Variants in OSBPL9 observed in about 807,000 individuals in gnomAD.
The protein encoded by OSBPL9 is oxysterol-binding protein-related protein 9.
In OSBPL9, 40 loss-of-function variants were observed where a neutral mutation model predicts 106.6. The observed-to-expected ratio is 0.38, with a 90% confidence interval of 0.29 to 0.49. OSBPL9 has a LOEUF of 0.49. Among genes scored for constraint, OSBPL9 ranks in the 20% least tolerant of loss-of-function variants. OSBPL9 has a pLI of 0.97. For synonymous variants in OSBPL9, 269 were observed against 295.4 expected (o/e 0.91, Z 0.92); for missense variants, 609 against 887.2 (o/e 0.69, Z 3.98).
intron 1 of OSBPL9, among the ~76,000 whole-genome samples, chr1:51,584,114 G>A (rs905566989): frequency 1.6e-4 from 24 of 151,918 alleles, no homozygotes; most frequent in Middle Eastern, 3.2e-3. Flanking sequence ...CCTTAGCCCC[G>A]CAAGTAGATG....
At chr1:51,540,493 A>G in the OSBPL9 span, among the ~76,000 whole-genome samples, 1 of 143,378 alleles carries the variant, frequency 7.0e-6, no homozygotes, top group Admixed American at 7.0e-5. Context: ...CATCTCTACT[A>G]AAAAAAAAAA....
At position 51,748,631 on chromosome 1, in the gene OSBPL9, G is replaced by A. The variant is rs562033108; in HGVS notation, c.492+233G>A. 3.8e-4 allele frequency among the ~76,000 whole-genome samples: 58 copies of A among 152,120 alleles called. 1 individual carries two copies. The highest frequency in any genetic ancestry group is 1.3e-3 in the African/African-American group (56 of 41,508). ...GTACCATTTACCTGTTTCTGGTCTCGTTTGAAATCTTGATAAAAGGTGTCT... is the reference window on the plus strand; with the variant it reads ...GTACCATTTACCTGTTTCTGGTCTCATTTGAAATCTTGATAAAAGGTGTCT... On this transcript the variant is annotated intron_variant, in intron 7 of 23. Coordinates refer to ENST00000428468, the MANE Select transcript of OSBPL9 (RefSeq NM_024586.6).
intron 21 of OSBPL9, 25 bp from the exon 22 acceptor site, chr1:51,786,501 C>A: frequency 6.7e-7 from 1 of 1,493,980 alleles, no homozygotes; most frequent in Non-Finnish European, 9.3e-7. Flanking sequence ...GGGTCTAGTT[C>A]CCATCCACCT....
At chr1:51,674,038 C>T (rs368080766) in intron 3 of OSBPL9, among the ~76,000 whole-genome samples, 1 of 149,518 alleles carries the variant, frequency 6.7e-6, no homozygotes, top group African/African-American at 2.5e-5. Flanking sequence ...CTCCCTCTCT[C>T]TTTCTTTCCT....
At chr1:51,569,973 G>A in the OSBPL9 span, among the ~76,000 whole-genome samples, 9 of 152,112 alleles carry the variant, frequency 5.9e-5, no homozygotes, top group Non-Finnish European at 1.3e-4. Flanking sequence ...ACCTGCCTAG[G>A]GCCACATAGC....
intron 3 of OSBPL9, among the ~76,000 whole-genome samples, chr1:51,670,571 A>G (rs1649636603): frequency 6.6e-6 from 1 of 152,212 alleles, no homozygotes; most frequent in South Asian, 2.1e-4. Context: ...ACAGATAGTA[A>G]TGAAAGATGC....
intron 4 of OSBPL9, among the ~76,000 whole-genome samples, chr1:51,739,777 G>A (rs1455093015): frequency 1.3e-5 from 2 of 151,946 alleles, no homozygotes; most frequent in Non-Finnish European, 2.9e-5. Flanking sequence ...GGACAGTAGG[G>A]ATTGTAAATG....
In OSBPL9 at chr1:51,587,794, T is replaced by C. The variant is rs563968451; in HGVS notation, c.-422-10330T>C. Reference sequence around the variant, plus strand: ...CCCTCTCAGCCAGAATTCTCCAAAATGTAACCCAACCCTGCTGTATTCATT... The same window carrying C: ...CCCTCTCAGCCAGAATTCTCCAAAACGTAACCCAACCCTGCTGTATTCATT... On this transcript the variant is annotated intron_variant, in intron 1 of 25. Transcript: ENST00000371714. 2.0e-4 allele frequency among the ~76,000 whole-genome samples: 30 copies of C among 152,358 alleles called. 1 individual carries two copies. The South Asian group carries it at 5.8e-3, about 29-fold the overall frequency.
At position 51,767,314 on chromosome 1, in the gene OSBPL9, A is replaced by G. The variant is rs892719964; in HGVS notation, c.938+1333A>G. 6.6e-5 allele frequency among the ~76,000 whole-genome samples: 10 copies of G among 152,068 alleles called. No homozygotes were observed. The East Asian group carries it at 1.7e-3, about 26-fold the overall frequency. On this transcript the variant is annotated intron_variant, in intron 12 of 23. Coordinates refer to ENST00000428468, the MANE Select transcript of OSBPL9 (RefSeq NM_024586.6). ...AGGCTAAGATGGGAGAATCTCTTGA[A>G]CACAGGAGGTGTAGGTTGCAGTGAG...
At chr1:51,578,910 G>T (rs184627934) in intron 1 of OSBPL9, among the ~76,000 whole-genome samples, 1 of 152,202 alleles carries the variant, frequency 6.6e-6, no homozygotes, top group East Asian at 1.9e-4. Context: ...TGCTCCTCAG[G>T]GTCAAGGCAG....
chr1:51,679,788 A>G (rs748889982), intron 3 of OSBPL9, among the ~76,000 whole-genome samples: 8 of 152,114 alleles, frequency 5.3e-5, no homozygotes, highest in Non-Finnish European at 1.2e-4. Flanking sequence ...CCCTTATTTT[A>G]TTTAATAATG....
intron 1 of OSBPL9, among the ~76,000 whole-genome samples, chr1:51,625,381 G>A (rs1252310763): frequency 6.6e-6 from 1 of 152,026 alleles, no homozygotes; most frequent in South Asian, 2.1e-4. Context: ...AGGTAATCCC[G>A]ATCAAAACTA....
At chr1:51,754,609 T>TA (rs1382719664) in intron 8 of OSBPL9, among the ~76,000 whole-genome samples, 5 of 152,170 alleles carry the variant, frequency 3.3e-5, no homozygotes, top group Non-Finnish European at 7.4e-5. Context: ...TGCTATACAA[T>TA]AAAAATATGA....
intron 4 of OSBPL9, among the ~76,000 whole-genome samples, chr1:51,720,691 AT>A (rs1661941278): frequency 6.6e-6 from 1 of 151,398 alleles, no homozygotes; most frequent in Non-Finnish European, 1.5e-5. Flanking sequence ...GGTTTCTATG[AT>A]TATTCTTTGG....
the OSBPL9 span, among the ~76,000 whole-genome samples, chr1:51,548,546 T>C: frequency 2.0e-5 from 3 of 151,880 alleles, no homozygotes; most frequent in South Asian, 2.1e-4. Context: ...TGCTCCACGA[T>C]GCCCAGCTGA....
chr1:51,655,366 A>G (rs564551370), intron 2 of OSBPL9, among the ~76,000 whole-genome samples: 3 of 152,164 alleles, frequency 2.0e-5, no homozygotes, highest in African/African-American at 7.2e-5. Flanking sequence ...CAGCTTCTAG[A>G]GGCTGCACGT....
At chr1:51,558,734 G>A in the OSBPL9 span, among the ~76,000 whole-genome samples, 18 of 152,206 alleles carry the variant, frequency 1.2e-4, no homozygotes, top group South Asian at 1.9e-3. Context: ...CTATCCTTCC[G>A]CTTAGTGAGC....
intron 2 of OSBPL9, among the ~76,000 whole-genome samples, chr1:51,654,035 T>A (rs1646678836): frequency 1.3e-5 from 2 of 151,534 alleles, no homozygotes; most frequent in Admixed American, 1.3e-4. Flanking sequence ...AAAAAAGGAA[T>A]CCAGACCCTT....
chr1:51,588,016 C>T (rs1215898940), intron 1 of OSBPL9, among the ~76,000 whole-genome samples: 2 of 152,194 alleles, frequency 1.3e-5, no homozygotes, highest in Non-Finnish European at 2.9e-5. Flanking sequence ...AACCTGTTTC[C>T]TCATCACTGA....
Sources: allele counts gnomAD v4.1 joint callset (sites outside exome capture counted in the v4.1 genomes callset), GRCh38; gene constraint gnomAD v4.1.1; transcripts MANE v1.5; gene names NCBI Gene and HGNC (gene_info 2026-07-23, HGNC 2026-07-21).